GBP4: variants seen among roughly 807,000 people sequenced by gnomAD.
GBP4 encodes the protein guanylate binding protein 4, also known as guanylate-binding protein 4.
Under a neutral mutation model 62.2 loss-of-function variants are expected in GBP4, and 69 were observed. That is an observed-to-expected ratio of 1.11 (90% CI 0.91 to 1.36). GBP4 has a LOEUF of 1.36. Ranked by LOEUF, GBP4 falls within the 40% of genes most tolerant of loss-of-function variation. The pLI is 0.00. For missense variants in GBP4, 697 were observed against 759.3 expected (o/e 0.92, Z 0.96); for synonymous variants, 278 against 274.6 (o/e 1.01, Z -0.12).
chr1:89,191,224 C>G, intron 6 of GBP4, 37 bp downstream of exon 6: 1 of 1,603,370 alleles, frequency 6.2e-7, no homozygotes. Flanking sequence ...CATCCTGGAC[C>G]ACAGACAGAC....
rs1185758552 is a variant in GBP4, at chr1:89,191,281, C to A, written c.896G>T (p.Gly299Val). 1 of 1,612,702 alleles carries A rather than the reference C, an allele frequency of 6.2e-7. No homozygotes were observed. Among genetic ancestry groups the A allele is most frequent in the Non-Finnish European group, 8.5e-7 (1 of 1,178,738 alleles). ...CTCACGCTTTCCAGTGACAATGATT[C>A]CCTCTCTCAGGGTCTTGGTCTTTGC... The part of the protein sequence containing the change: ...THAKTKTLRE[G>V]IIVTGKRLGT... Residue 299 changes from glycine to valine, a missense_variant, in exon 6 of 11, where the codon GGA (glycine) becomes GTA (valine). By Grantham distance (109) the Gly-to-Val change is moderately radical. Coordinates refer to ENST00000355754, the MANE Select transcript of GBP4 (RefSeq NM_052941.5).
At position 89,183,303 on chromosome 1, in the gene GBP4, G is replaced by T. The variant is rs1386001816; in HGVS notation, c.*1951C>A. ...CTGACAAAAACAAGCAATGGGGAAA[G>T]AAGTCCCCATTTAATAAATGGTGCT... On this transcript the variant is annotated 3_prime_UTR_variant, in exon 11 of 11. Coordinates refer to ENST00000355754, the MANE Select transcript of GBP4 (RefSeq NM_052941.5). 2.0e-5 allele frequency: 3 copies of T among 152,178 alleles called. No homozygotes were observed. The highest frequency in any genetic ancestry group is 7.2e-5 in the African/African-American group (3 of 41,436). The allele number at this position is 152,178 out of a possible 1,614,324, so 9.4% of individuals were successfully genotyped here.
At chr1:89,189,806 A>G (rs1268467467) in intron 7 of GBP4, among the ~76,000 whole-genome samples, 1 of 152,180 alleles carries the variant, frequency 6.6e-6, no homozygotes, top group Non-Finnish European at 1.5e-5. Flanking sequence ...ATGAGCTAAT[A>G]ACGTGTGTTG....
chr1:89,187,157 G>C (rs954317844), intron 8 of GBP4, 55 bp from the exon 9 acceptor site: 6 of 1,389,144 alleles, frequency 4.3e-6, no homozygotes, highest in Middle Eastern at 1.8e-4. Context: ...CTCATCTTAT[G>C]ATGGCGAAAT....
In GBP4 at chr1:89,184,202, C is replaced by A. The variant is rs545277587; in HGVS notation, c.*1052G>T. 32 of 152,254 alleles carry A rather than the reference C, an allele frequency of 2.1e-4. 1 individual carries two copies. Among genetic ancestry groups the A allele is most frequent in the African/African-American group, 7.7e-4 (32 of 41,536 alleles). 9.4% of individuals were successfully genotyped at this position (152,254 alleles called of 1,614,324 possible). ...CTAGAAAGTCAATAAATAACAGATG[C>A]TGGCAAGGTTGTGGAGAAAATGGAA... On this transcript the variant is annotated 3_prime_UTR_variant, in exon 11 of 11. Coordinates refer to ENST00000355754, the MANE Select transcript of GBP4 (RefSeq NM_052941.5).
chr1:89,183,387 T>C lies in GBP4; in HGVS notation c.*1867A>G, dbSNP rs933056785. The C allele has an allele frequency of 6.6e-6, 1 of 152,180 alleles. No homozygotes were observed. Among genetic ancestry groups the C allele is most frequent in the Admixed American group, 6.5e-5 (1 of 15,280 alleles). The allele number at this position is 152,180 out of a possible 1,614,324, so 9.4% of individuals were successfully genotyped here. A position where few individuals can be genotyped will look rare whatever the true frequency, so the allele number is the denominator to read the frequency against. On this transcript the variant is annotated 3_prime_UTR_variant, in exon 11 of 11. Coordinates refer to ENST00000355754, the MANE Select transcript of GBP4 (RefSeq NM_052941.5). ...AACTGGGCCCCCAGCTTACTCTGCA[T>C]ACAAAAATCAACTTAAGAAGGATTA... is the stretch of plus-strand genomic sequence containing the variant.
intron 1 of GBP4, among the ~76,000 whole-genome samples, 198 bp from the exon 2 acceptor site, chr1:89,197,502 G>A (rs1648378740): frequency 6.6e-6 from 1 of 152,028 alleles, no homozygotes; most frequent in Non-Finnish European, 1.5e-5. Context: ...CATTTCAAAT[G>A]GAAAAATATT....
At chr1:89,198,601 C>G (rs1570379835) in intron 1 of GBP4, 194 bp downstream of exon 1, 1 of 603,128 alleles carries the variant, frequency 1.7e-6, no homozygotes, top group Non-Finnish European at 3.0e-6. Context: ...CGTCTAGAGA[C>G]GCTGGGCCAC....
In GBP4 at chr1:89,186,484, A is replaced by C; in HGVS notation, c.1556T>G (p.Leu519Arg). The C allele has an allele frequency of 6.2e-7, 1 of 1,614,090 alleles. No homozygotes were observed. Among genetic ancestry groups the C allele is most frequent in the East Asian group, 2.2e-5 (1 of 44,874 alleles). The change falls in exon 10 of 11, where the codon CTG (leucine) becomes CGG (arginine). Residue 519 changes from leucine to arginine, a missense_variant. Transcript: ENST00000355754. ...CTGCTCCTTCTGTTTTTCTCTTAGC[A>C]GCTCCTGTTCCTTCTCAGCTGCTTC... ...MKEAAEKEQE[L>R]LREKQKEQQQ... is the part of the protein sequence containing the mutation.
chr1:89,190,429 T>C (rs1191708800), intron 6 of GBP4, 111 bp from the exon 7 acceptor site: 2 of 865,690 alleles, frequency 2.3e-6, no homozygotes, highest in Non-Finnish European at 3.4e-6. Flanking sequence ...TGAAGTTTCT[T>C]ATCACTCCTT....
At chr1:89,186,122 T>C (rs1648026663) in intron 10 of GBP4, among the ~76,000 whole-genome samples, 1 of 152,228 alleles carries the variant, frequency 6.6e-6, no homozygotes, top group African/African-American at 2.4e-5. Context: ...AGATGTCATG[T>C]GTACTCTCCA....
intron 8 of GBP4, 60 bp from the exon 9 acceptor site, chr1:89,187,162 C>A: frequency 1.5e-6 from 2 of 1,331,866 alleles, no homozygotes; most frequent in East Asian, 4.6e-5. Context: ...CTTATGATGG[C>A]GAAATTATTG....
chr1:89,187,796 C>T (rs1648077345), intron 8 of GBP4, among the ~76,000 whole-genome samples: 1 of 152,190 alleles, frequency 6.6e-6, no homozygotes, highest in Admixed American at 6.5e-5. Flanking sequence ...TTTTATCTCA[C>T]ACATTTTAGA....
rs147368240 is a variant in GBP4 at position 89,191,502 on chromosome 1, C to A, written c.675G>T (p.Lys225Asn). Residue 225 changes from lysine (K) to asparagine (N), a missense_variant, in exon 6 of 11, where the codon AAG becomes AAT. This residue lies in a region of GBP4 where 556 missense variants were observed against 562.7 expected (regional missense o/e 0.99). Coordinates refer to ENST00000355754, the MANE Select transcript of GBP4 (RefSeq NM_052941.5). ...TGTTTGAATTTTGAATTTTGGGATT[C>A]TTGCCTGTGGAATTGTAAAAAAGAG... ...LENALKLIPGKNPKIQNSNMP... is the reference protein window; with the variant it reads ...LENALKLIPGNNPKIQNSNMP... The A allele has an allele frequency of 2.8e-5, 45 of 1,611,690 alleles. No individual in the cohort carries two copies. In the East Asian group the frequency reaches 9.1e-4, roughly 33 times the overall value.
Position 89,191,582 on chromosome 1 carries a change from C to G in GBP4, c.671-76G>C, listed in dbSNP as rs112272933. ...GGGGGCTGAGGACTTTTCCAGGGAT[C>G]TTTGCATCCCTGCAGCTCCCCTGCC... is the stretch of plus-strand genomic sequence containing the variant. On this transcript the variant is annotated intron_variant, in intron 5 of 10. Coordinates refer to ENST00000355754, the MANE Select transcript of GBP4 (RefSeq NM_052941.5). 3.7e-5 allele frequency: 51 copies of G among 1,394,908 alleles called. 1 individual carries two copies. The African/African-American group carries it at 4.7e-4, about 13-fold the overall frequency. The allele number at this position is 1,394,908 out of a possible 1,614,324, so 86.4% of individuals were successfully genotyped here. A position where few individuals can be genotyped will look rare whatever the true frequency, so the allele number is the denominator to read the frequency against.
In GBP4 at chr1:89,181,955, A is replaced by G. The variant is rs1647893070; in HGVS notation, c.*3299T>C. On this transcript the variant is annotated 3_prime_UTR_variant, in exon 11 of 11. Coordinates refer to ENST00000355754, the MANE Select transcript of GBP4 (RefSeq NM_052941.5). Reference sequence around the variant, plus strand: ...AAATACAGCTAACCAAGGAAGCAAAAGATATATATAATGAGAATTACAAGA... The same window carrying G: ...AAATACAGCTAACCAAGGAAGCAAAGGATATATATAATGAGAATTACAAGA... 1 of 152,256 alleles carries G rather than the reference A, an allele frequency of 6.6e-6. No individual in the cohort carries two copies. Among genetic ancestry groups the G allele is most frequent in the African/African-American group, 2.4e-5 (1 of 41,476 alleles). The allele number at this position is 152,256 out of a possible 1,614,324, so 9.4% of individuals were successfully genotyped here.
At chr1:89,195,959 G>A (rs1038156777) in intron 2 of GBP4, among the ~76,000 whole-genome samples, 1 of 152,208 alleles carries the variant, frequency 6.6e-6, no homozygotes, top group African/African-American at 2.4e-5. Flanking sequence ...ATTTTTCGCA[G>A]GATGTAAAAT....
Position 89,191,383 on chromosome 1 carries a change from T to C in GBP4, c.794A>G (p.Asp265Gly), listed in dbSNP as rs201411513. 375 of 1,614,216 alleles carry C rather than the reference T, an allele frequency of 2.3e-4. 2 individuals are homozygous for C. In the South Asian group the frequency reaches 2.5e-3, roughly 11 times the overall value. The change falls in exon 6 of 11, where the codon GAC becomes GGC. Residue 265 changes from aspartate (D) to glycine (G), a missense_variant. By Grantham distance (94) the Asp-to-Gly change is moderately conservative (BLOSUM62 -1). Transcript: ENST00000355754. ...TTCCAGATTTTCTTCTGGCACTTCG[T>C]CCATATGATTTAAATATTGCTTGTC... ...TNDKQYLNHMDEVPEENLERH... is the reference protein window; with the variant it reads ...TNDKQYLNHMGEVPEENLERH...
intron 8 of GBP4, among the ~76,000 whole-genome samples, chr1:89,188,205 G>C (rs1028137011): frequency 3.3e-5 from 5 of 151,970 alleles, no homozygotes; most frequent in Non-Finnish European, 7.4e-5. Flanking sequence ...ATACCAGTAC[G>C]ATAACCGTAA....
Sources: gnomAD v4.1 joint callset for allele counts (sites outside exome capture counted in the v4.1 genomes callset) on GRCh38, gnomAD v4.1.1 for gene constraint, gnomAD v4.1.1 regional missense constraint, MANE v1.5 for transcripts, NCBI Gene and HGNC (gene_info 2026-07-23, HGNC 2026-07-21) for gene names.